Variants in CDH13 observed in about 807,000 individuals in gnomAD.
CDH13 encodes the protein cadherin 13, also known as cadherin-13.
CDH13 carries 24 observed loss-of-function variants against 63.8 expected under a neutral mutation model. The observed-to-expected ratio is 0.38, with a 90% CI of 0.27 to 0.53. The LOEUF is 0.53. CDH13 is among the 20% of genes least tolerant of loss of function. The pLI, the probability that CDH13 is intolerant of heterozygous loss-of-function variation, is 0.85. For missense variants in CDH13, 1,049 were observed against 903.1 expected (o/e 1.16, Z -2.07); for synonymous variants, 503 against 355.3 (o/e 1.42, Z -4.67).
At chr16:83,629,947 G>A (rs1429647976) in intron 8 of CDH13, among the ~76,000 whole-genome samples, 1 of 152,180 alleles carries the variant, frequency 6.6e-6, no homozygotes, top group East Asian at 1.9e-4. Flanking sequence ...AAAAGTCAAC[G>A]TCAGTAACAG....
intron 6 of CDH13, among the ~76,000 whole-genome samples, chr16:83,431,710 C>G (rs1229668378): frequency 1.1e-4 from 16 of 152,086 alleles, no homozygotes; most frequent in Admixed American, 9.8e-4. Context: ...GTGCCACACA[C>G]TTTCAAACAA....
chr16:83,758,631 C>G (rs192483263), intron 11 of CDH13, among the ~76,000 whole-genome samples: 194 of 152,124 alleles, frequency 1.3e-3, no homozygotes, highest in African/African-American at 4.6e-3. Context: ...AATGATATGC[C>G]TAAAATAATC....
chr16:82,779,949 T>C (rs2035674102), intron 1 of CDH13, among the ~76,000 whole-genome samples: 1 of 152,186 alleles, frequency 6.6e-6, no homozygotes, highest in Non-Finnish European at 1.5e-5. Context: ...ATCATGTTAC[T>C]GCATCTTACC....
At chr16:83,585,057 G>T (rs750404589) in intron 7 of CDH13, among the ~76,000 whole-genome samples, 2 of 152,088 alleles carry the variant, frequency 1.3e-5, no homozygotes, top group African/African-American at 2.4e-5. Flanking sequence ...CATGAGATTT[G>T]GTGGGGACAC....
At chr16:83,149,112 C>A (rs1156407405) in intron 4 of CDH13, among the ~76,000 whole-genome samples, 4 of 152,112 alleles carry the variant, frequency 2.6e-5, no homozygotes, top group Non-Finnish European at 5.9e-5. Context: ...ACATGTTACT[C>A]CAAGATACAG....
chr16:83,219,696 C>G (rs1038096898), intron 5 of CDH13, among the ~76,000 whole-genome samples: 34 of 152,154 alleles, frequency 2.2e-4, no homozygotes, highest in African/African-American at 7.7e-4. Flanking sequence ...TGAGTTTTTA[C>G]TATACTTTTA....
chr16:83,508,394 G>A (rs2074474644), intron 7 of CDH13: 1 of 154,276 alleles, frequency 6.5e-6, no homozygotes, highest in Non-Finnish European at 1.5e-5. Context: ...TGCTTGGGTT[G>A]GATCATAGAG....
At chr16:82,855,404 C>G (rs1311009924) in intron 1 of CDH13, among the ~76,000 whole-genome samples, 1 of 152,164 alleles carries the variant, frequency 6.6e-6, no homozygotes, top group Non-Finnish European at 1.5e-5. Flanking sequence ...TACAGGATAT[C>G]CAGTTTCCTG....
chr16:83,684,100 C>T (rs1234228650), intron 10 of CDH13, among the ~76,000 whole-genome samples: 1 of 152,206 alleles, frequency 6.6e-6, no homozygotes, highest in African/African-American at 2.4e-5. Context: ...GGCACAGTGG[C>T]TCACACCTGT....
intron 5 of CDH13, among the ~76,000 whole-genome samples, chr16:83,286,708 A>G (rs1251029594): frequency 1.3e-5 from 2 of 150,822 alleles, no homozygotes; most frequent in Non-Finnish European, 2.9e-5. Flanking sequence ...GTGAACCAAG[A>G]TGGTACTACT....
At chr16:83,167,968 T>A (rs1364127707) in intron 4 of CDH13, among the ~76,000 whole-genome samples, 2 of 152,058 alleles carry the variant, frequency 1.3e-5, no homozygotes, top group Admixed American at 6.6e-5. Flanking sequence ...AAATACCACA[T>A]GTTCTCACTT....
chr16:83,180,811 G>A, intron 4 of CDH13: 1 of 1,176,758 alleles, frequency 8.5e-7, no homozygotes, highest in South Asian at 1.3e-5. Flanking sequence ...GTAGTCATTT[G>A]TTGGCTTGTT....
intron 5 of CDH13, among the ~76,000 whole-genome samples, chr16:83,336,204 G>C (rs559637222): frequency 2.0e-5 from 3 of 150,602 alleles, no homozygotes; most frequent in Non-Finnish European, 4.4e-5. Context: ...AGGAGGCTGA[G>C]ACAGGAGAAT....
chr16:82,730,348 G>A (rs1567474664), intron 1 of CDH13, among the ~76,000 whole-genome samples: 1 of 152,122 alleles, frequency 6.6e-6, no homozygotes, highest in Non-Finnish European at 1.5e-5. Flanking sequence ...GACCATTGTA[G>A]GGTTATTCAT....
At chr16:82,728,033 C>T (rs1597418430) in intron 1 of CDH13, among the ~76,000 whole-genome samples, 1 of 152,160 alleles carries the variant, frequency 6.6e-6, no homozygotes, top group Admixed American at 6.5e-5. Context: ...GGGAAAGCTG[C>T]TCTATTACTT....
chr16:83,444,648 G>A (rs1194416314), intron 6 of CDH13, among the ~76,000 whole-genome samples: 3 of 152,100 alleles, frequency 2.0e-5, no homozygotes, highest in Non-Finnish European at 2.9e-5. Flanking sequence ...ATGTCCCTCC[G>A]GTGATGCTGT....
intron 5 of CDH13, among the ~76,000 whole-genome samples, chr16:83,224,733 A>C (rs1162989689): frequency 6.6e-6 from 1 of 152,210 alleles, no homozygotes; most frequent in Non-Finnish European, 1.5e-5. Flanking sequence ...ACCTTTAGCC[A>C]GTTACTTCTC....
chr16:83,152,279 A>G (rs1047491625), intron 4 of CDH13, among the ~76,000 whole-genome samples: 1 of 152,208 alleles, frequency 6.6e-6, no homozygotes, highest in Admixed American at 6.5e-5. Flanking sequence ...CACGACAAGG[A>G]AGTCATTAAT....
At chr16:83,317,315 C>CA (rs1466636244) in intron 5 of CDH13, among the ~76,000 whole-genome samples, 1 of 152,206 alleles carries the variant, frequency 6.6e-6, no homozygotes, top group Admixed American at 6.5e-5. Flanking sequence ...TTGCTGGTGT[C>CA]ACATCTGCTT....
Sources: gnomAD v4.1 joint callset for allele counts (sites outside exome capture counted in the v4.1 genomes callset) on GRCh38, gnomAD v4.1.1 for gene constraint, MANE v1.5 for transcripts, NCBI Gene and HGNC (gene_info 2026-07-23, HGNC 2026-07-21) for gene names.